Variants in DSTYK observed in about 807,000 individuals in gnomAD.
DSTYK encodes the protein RIP-homologous kinase.
A neutral mutation model predicts 98.7 loss-of-function variants in DSTYK; 34 were observed. That is an observed-to-expected ratio of 0.34 (90% CI 0.26 to 0.46). The LOEUF is 0.46. Among genes scored for constraint, DSTYK ranks in the 20% least tolerant of loss-of-function variants. The pLI is 1.00. For missense variants in DSTYK, 962 were observed against 1,181.7 expected (o/e 0.81, Z 2.73); for synonymous variants, 462 against 457.3 (o/e 1.01, Z -0.13).
chr1:205,183,358 A>G (rs1016040869), intron 2 of DSTYK, among the ~76,000 whole-genome samples: 5 of 152,202 alleles, frequency 3.3e-5, no homozygotes, highest in Non-Finnish European at 5.9e-5. Flanking sequence ...GTGTTCCTCT[A>G]TTGTTGAATT....
Position 205,170,754 on chromosome 1 carries a change from G to A in DSTYK, c.655-922C>T, listed in dbSNP as rs777772158. Among the ~76,000 whole-genome samples, 55 of 152,306 alleles carry A rather than the reference G, an allele frequency of 3.6e-4. No homozygotes were observed. The Middle Eastern group carries it at 0.01, about 28-fold the overall frequency. On this transcript the variant is annotated intron_variant, in intron 2 of 12. Coordinates refer to ENST00000367162, the MANE Select transcript of DSTYK (RefSeq NM_015375.3). ...ATGTCCTTTACAGATAGGGGTATCC[G>A]ATAAGTGGGTGGGGTTTCCAGGAAA...
chr1:205,155,668 T>TAAAAAAAAAGAAAGGA (rs1558600583), intron 10 of DSTYK, among the ~76,000 whole-genome samples: 2 of 147,784 alleles, frequency 1.4e-5, no homozygotes, highest in African/African-American at 5.0e-5. Flanking sequence ...AAAAAAATTT[T>TAAAAAAAAAGAAAGGA]TAAAAAAAAG....
At chr1:205,201,151 C>T (rs952721671) in intron 1 of DSTYK, among the ~76,000 whole-genome samples, 6 of 151,906 alleles carry the variant, frequency 3.9e-5, no homozygotes, top group African/African-American at 2.4e-5. Context: ...GTTATCCACC[C>T]GCCTTGGCCT....
At chr1:205,156,568 G>A (rs1657567749) in intron 10 of DSTYK, among the ~76,000 whole-genome samples, 2 of 152,172 alleles carry the variant, frequency 1.3e-5, no homozygotes, top group Admixed American at 1.3e-4. Flanking sequence ...TGGAATGGGT[G>A]TATTTACCCA....
At chr1:205,175,102 C>CT (rs1338416279) in intron 2 of DSTYK, among the ~76,000 whole-genome samples, 413 of 125,586 alleles carry the variant, frequency 3.3e-3, no homozygotes, top group Middle Eastern at 6.0e-3. Context: ...AGAAGCTGCC[C>CT]TTTTTTTTTT....
chr1:205,172,425 A>G (rs1299057144), intron 2 of DSTYK, among the ~76,000 whole-genome samples: 9 of 150,178 alleles, frequency 6.0e-5, no homozygotes, highest in Non-Finnish European at 1.2e-4. Flanking sequence ...TCAGCCACCC[A>G]AGTAGCTGAT....
rs1486228867 is a variant in DSTYK, at chr1:205,198,085, C to T, written c.266-10279G>A. Among the ~76,000 whole-genome samples the T allele has an allele frequency of 2.6e-5, 4 of 151,926 alleles. No homozygotes were observed. The East Asian group carries it at 5.8e-4, about 22-fold the overall frequency. ...GCACATGCCTGTAATCCCAGCTACT[C>T]GGTAGGCTGAGGCAGAAGAATCGCT... On this transcript the variant is annotated intron_variant, in intron 1 of 12. Transcript: ENST00000367162.
chr1:205,187,913 C>T, intron 1 of DSTYK, 107 bp from the exon 2 acceptor site: 1 of 1,138,350 alleles, frequency 8.8e-7, no homozygotes, highest in Non-Finnish European at 1.2e-6. Context: ...AAGACAAGGT[C>T]CTAGAGGAGA....
chr1:205,161,569 C>T (rs1657721250), intron 6 of DSTYK, among the ~76,000 whole-genome samples, 182 bp from the exon 7 acceptor site: 1 of 152,126 alleles, frequency 6.6e-6, no homozygotes, highest in Non-Finnish European at 1.5e-5. Flanking sequence ...ATAACTTTTC[C>T]TCCTGGATGC....
chr1:205,147,923 AAAAG>A (rs1485690830), intron 12 of DSTYK, among the ~76,000 whole-genome samples, 178 bp from the exon 13 acceptor site: 31 of 152,008 alleles, frequency 2.0e-4, no homozygotes, highest in African/African-American at 6.3e-4. Flanking sequence ...ATTAAAAAAA[AAAAG>A]AAAGAAAGAA....
chr1:205,150,154 T>TA lies in DSTYK; in HGVS notation c.2467+525dup, dbSNP rs974496042. The stretch of plus-strand genomic sequence containing the variant: ...TTAATAAATGAGTTCCCTTCTCACC[T>TA]ACCAATTTCCCAAATCTGACTCAAG... On this transcript the variant is annotated intron_variant, in intron 11 of 12. Transcript: ENST00000367162. The surrounding 1 kb of genome is among the most constrained non-coding windows in gnomAD (Gnocchi z 4.1). Among the ~76,000 whole-genome samples, 6 of 152,216 alleles carry TA rather than the reference T, an allele frequency of 3.9e-5. No individual in the cohort carries two copies. Among genetic ancestry groups the TA allele is most frequent in the Non-Finnish European group, 8.8e-5 (6 of 68,032 alleles).
At position 205,169,238 on chromosome 1, in the gene DSTYK, T is replaced by C. The variant is rs764172291; in HGVS notation, c.1249A>G (p.Lys417Glu). The change falls in exon 3 of 13, where the codon AAG becomes GAG. Residue 417 changes from lysine (K) to glutamate (E), a missense_variant. This residue lies in a region of DSTYK where 660 missense variants were observed against 855.0 expected (regional missense o/e 0.77). Transcript: ENST00000367162. The surrounding 1 kb of genome is among the most constrained non-coding windows in gnomAD (Gnocchi z 4.0). Reference protein sequence around the residue: ...NIANRKQEEMKDMIVETLNTM... With the variant: ...NIANRKQEEMEDMIVETLNTM... ...TTAAGTGTCTCAACAATCATATCCTTCATTTCCTCCTGCTTTCGGTTGGCA... is the reference window on the plus strand; with the variant it reads ...TTAAGTGTCTCAACAATCATATCCTCCATTTCCTCCTGCTTTCGGTTGGCA... 4.8e-5 allele frequency: 77 copies of C among 1,613,990 alleles called. No homozygotes were observed. The highest frequency in any genetic ancestry group is 6.4e-5 in the Non-Finnish European group (76 of 1,179,998).
chr1:205,179,241 A>T (rs1658322431), intron 2 of DSTYK, among the ~76,000 whole-genome samples: 1 of 152,152 alleles, frequency 6.6e-6, no homozygotes, highest in Non-Finnish European at 1.5e-5. Flanking sequence ...CTACAAAGAC[A>T]ATGTTTAAAC....
At chr1:205,199,412 GA>G (rs1159760055) in intron 1 of DSTYK, among the ~76,000 whole-genome samples, 2 of 152,190 alleles carry the variant, frequency 1.3e-5, no homozygotes, top group Admixed American at 6.5e-5. Context: ...TTTTGGTTTG[GA>G]CTTTGGAGGA....
chr1:205,186,392 AG>A (rs998002526), intron 2 of DSTYK, among the ~76,000 whole-genome samples: 1 of 152,230 alleles, frequency 6.6e-6, no homozygotes, highest in African/African-American at 2.4e-5. Context: ...GGACTGTGGA[AG>A]GAAATGAGAG....
rs1448795391 is a variant in DSTYK at position 205,150,936 on chromosome 1, A to G, written c.2353-142T>C. On this transcript the variant is annotated intron_variant, in intron 10 of 12. Transcript: ENST00000367162. The surrounding 1 kb of genome is among the most constrained non-coding windows in gnomAD (Gnocchi z 4.1). ...TGAAAATGAGTTGTCAGGTGATTTC[A>G]TCCTTGTACAAACACCAGACTGTGC... 1 of 711,164 alleles carries G rather than the reference A, an allele frequency of 1.4e-6. No individual in the cohort carries two copies. Among genetic ancestry groups the G allele is most frequent in the Non-Finnish European group, 2.5e-6 (1 of 403,824 alleles). The allele number at this position is 711,164 out of a possible 1,614,324, so 44.1% of individuals were successfully genotyped here.
At chr1:205,187,935 A>G (rs1658605220) in intron 1 of DSTYK, 129 bp from the exon 2 acceptor site, 1 of 913,266 alleles carries the variant, frequency 1.1e-6, no homozygotes, top group Non-Finnish European at 1.6e-6. Context: ...ATTTCTAGGA[A>G]CCTTGGTTGA....
intron 1 of DSTYK, among the ~76,000 whole-genome samples, chr1:205,199,712 T>G (rs1483863222): frequency 1.3e-5 from 2 of 152,150 alleles, no homozygotes; most frequent in Non-Finnish European, 2.9e-5. Context: ...GTAGTCTTGT[T>G]ATGAATGACA....
intron 6 of DSTYK, 71 bp from the exon 7 acceptor site, chr1:205,161,458 G>T: frequency 6.9e-7 from 1 of 1,454,800 alleles, no homozygotes; most frequent in Non-Finnish European, 9.5e-7. Context: ...GTTATACAGG[G>T]ATAATAATAT....
Sources: gnomAD v4.1 joint callset for allele counts (sites outside exome capture counted in the v4.1 genomes callset) on GRCh38, gnomAD v4.1.1 for gene constraint, gnomAD v4.1.1 regional missense constraint, Gnocchi (gnomAD v3.1) non-coding constraint, MANE v1.5 for transcripts, NCBI Gene and HGNC (gene_info 2026-07-23, HGNC 2026-07-21) for gene names.